Variants in CALN1 observed in about 807,000 individuals in gnomAD.
CALN1 encodes calneuron 1.
Under a neutral mutation model 30.6 loss-of-function variants are expected in CALN1, and 17 were observed. That is an observed-to-expected ratio of 0.56 (90% CI 0.38 to 0.83). CALN1 has a LOEUF of 0.83. Among genes scored for constraint, CALN1 ranks in the 40% least tolerant of loss-of-function variants. CALN1 has a pLI of 0.00. For missense variants in CALN1, 291 were observed against 354.9 expected, an observed-to-expected ratio of 0.82 and a Z score of 1.45; for synonymous variants, 156 against 131.4, an observed-to-expected ratio of 1.19 and a Z score of -1.28.
intron 5 of CALN1, among the ~76,000 whole-genome samples, chr7:71,962,859 C>T (rs1797317534): frequency 6.6e-6 from 1 of 152,076 alleles, no homozygotes; most frequent in Non-Finnish European, 1.5e-5. Flanking sequence ...GTGAGATGAA[C>T]AAAGTAACAA....
intron 2 of CALN1, among the ~76,000 whole-genome samples, chr7:72,394,962 T>A (rs1455138424): frequency 6.6e-6 from 1 of 152,150 alleles, no homozygotes; most frequent in Non-Finnish European, 1.5e-5. Context: ...CCAGCCTACA[T>A]TCTATTCTTG....
chr7:72,302,893 C>CAAAAAAAAAAAAAAAAAAA (rs71069055), intron 2 of CALN1, among the ~76,000 whole-genome samples: 1 of 48,750 alleles, frequency 2.1e-5, no homozygotes, highest in Non-Finnish European at 3.7e-5. Flanking sequence ...GTGAGGGTCT[C>CAAAAAAAAAAAAAAAAAAA]AAAAAAAAAA....
chr7:72,272,524 T>C (rs1284578817), intron 3 of CALN1, among the ~76,000 whole-genome samples: 1 of 151,966 alleles, frequency 6.6e-6, no homozygotes, highest in Non-Finnish European at 1.5e-5. Context: ...ATCGCACCAC[T>C]GCACTCCAGC....
At chr7:72,476,469 G>C in the CALN1 span, among the ~76,000 whole-genome samples, 1 of 152,060 alleles carries the variant, frequency 6.6e-6, no homozygotes, top group Admixed American at 6.6e-5. Flanking sequence ...TAACCCCTGG[G>C]ACTTCTGGGG....
intron 2 of CALN1, among the ~76,000 whole-genome samples, chr7:72,400,037 G>A (rs1056017738): frequency 4.6e-5 from 7 of 152,068 alleles, no homozygotes; most frequent in African/African-American, 1.2e-4. Context: ...AGCAGATTAG[G>A]CCATCCCCTT....
chr7:72,008,449 A>C (rs1350375610), intron 5 of CALN1, among the ~76,000 whole-genome samples: 1 of 149,952 alleles, frequency 6.7e-6, no homozygotes, highest in African/African-American at 2.5e-5. Flanking sequence ...AAAATAATTT[A>C]CACAAATTAT....
intron 5 of CALN1, among the ~76,000 whole-genome samples, chr7:71,916,296 T>G (rs979247057): frequency 4.0e-5 from 6 of 151,780 alleles, no homozygotes; most frequent in African/African-American, 1.5e-4. Flanking sequence ...GGAGGTAAAA[T>G]GTAGACTCCT....
chr7:72,302,855 G>A (rs1001961197), intron 2 of CALN1, among the ~76,000 whole-genome samples: 3 of 125,588 alleles, frequency 2.4e-5, no homozygotes, highest in South Asian at 2.9e-4. Flanking sequence ...CCGAGATCGC[G>A]CCACTGCACT....
At chr7:72,009,271 G>C (rs973909234) in intron 5 of CALN1, among the ~76,000 whole-genome samples, 1 of 151,992 alleles carries the variant, frequency 6.6e-6, no homozygotes, top group Non-Finnish European at 1.5e-5. Context: ...AACTAACAAT[G>C]ACACTTGTAA....
At chr7:72,314,200 G>A (rs148294035) in intron 2 of CALN1, among the ~76,000 whole-genome samples, 2,260 of 152,192 alleles carry the variant, frequency 0.015, 26 homozygotes, top group African/African-American at 0.028. Context: ...CCTCCCTGAC[G>A]GCAGAATTCC....
chr7:72,294,867 G>A (rs998063956), intron 2 of CALN1, among the ~76,000 whole-genome samples: 3 of 151,878 alleles, frequency 2.0e-5, no homozygotes, highest in African/African-American at 7.3e-5. Flanking sequence ...AAACAAAAAG[G>A]ATATGAAGAA....
chr7:72,328,416 T>C (rs1253672705), intron 2 of CALN1, among the ~76,000 whole-genome samples: 1 of 152,216 alleles, frequency 6.6e-6, no homozygotes, highest in South Asian at 2.1e-4. Flanking sequence ...GACATCCTCT[T>C]GCTCTTCCTT....
upstream of CALN1, among the ~76,000 whole-genome samples, chr7:72,449,022 C>T (rs1357528328): frequency 2.6e-5 from 4 of 152,042 alleles, no homozygotes; most frequent in Admixed American, 6.6e-5. Context: ...TCAGGGGTGT[C>T]CAGGAGGGAG....
chr7:72,091,053 C>T (rs769591260), intron 4 of CALN1, among the ~76,000 whole-genome samples: 3 of 152,130 alleles, frequency 2.0e-5, no homozygotes, highest in Non-Finnish European at 2.9e-5. Context: ...ACTGGCAGGG[C>T]GCGGTGGCTC....
intron 3 of CALN1, among the ~76,000 whole-genome samples, chr7:72,275,785 C>G (rs1462105304): frequency 6.6e-6 from 1 of 152,188 alleles, no homozygotes; most frequent in Non-Finnish European, 1.5e-5. Flanking sequence ...GCTTCTCAAG[C>G]TGCCTTTGCC....
intron 2 of CALN1, among the ~76,000 whole-genome samples, chr7:72,346,187 T>C (rs1342968526): frequency 6.6e-6 from 1 of 152,186 alleles, no homozygotes; most frequent in African/African-American, 2.4e-5. Flanking sequence ...AAATGGTAAT[T>C]TGTTATGCAG....
chr7:72,265,589 C>T (rs527655659), intron 3 of CALN1, among the ~76,000 whole-genome samples: 2 of 152,026 alleles, frequency 1.3e-5, no homozygotes, highest in African/African-American at 4.8e-5. Context: ...AGATCTGTTA[C>T]AATGCATTTC....
At chr7:72,207,549 T>G (rs1472840614) in intron 3 of CALN1, among the ~76,000 whole-genome samples, 1 of 152,228 alleles carries the variant, frequency 6.6e-6, no homozygotes, top group Admixed American at 6.5e-5. Flanking sequence ...TGGTGCAATC[T>G]CGGCTCACTG....
intron 5 of CALN1, among the ~76,000 whole-genome samples, chr7:71,855,943 C>A (rs975922747): frequency 1.3e-5 from 2 of 152,056 alleles, no homozygotes; most frequent in Admixed American, 6.6e-5. Flanking sequence ...GGCACTTTTT[C>A]AACTGATATT....
Sources: gnomAD v4.1 joint callset for allele counts (sites outside exome capture counted in the v4.1 genomes callset) on GRCh38, gnomAD v4.1.1 for gene constraint, MANE v1.5 for transcripts, NCBI Gene and HGNC (gene_info 2026-07-23, HGNC 2026-07-21) for gene names.